The following CARMIL2 variants were observed in gnomAD, a reference collection of about 807,000 sequenced individuals.
CARMIL2 encodes capping protein, Arp2/3 and myosin-I linker protein 2.
In CARMIL2, 96 loss-of-function variants were observed where a neutral mutation model predicts 173.3. The ratio of observed to expected loss-of-function variants is 0.55; its 90% confidence interval spans 0.47 to 0.66. The LOEUF is 0.66. CARMIL2 is among the 30% of genes least tolerant of loss of function. CARMIL2 has a pLI of 0.00. For synonymous variants in CARMIL2, 830 were observed against 817.1 expected, an observed-to-expected ratio of 1.02 and a Z score of -0.27; for missense variants, 1,771 against 1,906.7, an observed-to-expected ratio of 0.93 and a Z score of 1.33.
At position 67,649,228 on chromosome 16, in the gene CARMIL2, C is replaced by G. The variant is rs771281082; in HGVS notation, c.1689-26C>G. ...AGACAACACCCCACCACCCCTGTCC[C>G]CCACAACTGCGGCCCCTGCCCACAG... On this transcript the variant is annotated intron_variant, in intron 18 of 37. Transcript: ENST00000334583. This position sits in a 1 kb window ranked among gnomAD's most constrained non-coding sequence, Gnocchi z 6.7. 6.2e-7 allele frequency: 1 copy of G among 1,613,436 alleles called. No individual in the cohort carries two copies. The highest frequency in any genetic ancestry group is 1.7e-5 in the Admixed American group (1 of 59,964).
rs967851623 is a variant in CARMIL2, at chr16:67,655,025, C to A, written c.3705+125C>A. On this transcript the variant is annotated intron_variant, in intron 32 of 37. Transcript: ENST00000334583. ...ATTGTCAGTTCTACTCCATTCTCCTCGAAATGGTTACAGATTCGACCTTTC... is the reference window on the plus strand; with the variant it reads ...ATTGTCAGTTCTACTCCATTCTCCTAGAAATGGTTACAGATTCGACCTTTC... 4 of 1,297,374 alleles carry A rather than the reference C, an allele frequency of 3.1e-6. No homozygotes were observed. In the South Asian group the frequency reaches 4.4e-5, roughly 14 times the overall value. 80.4% of individuals were successfully genotyped at this position (1,297,374 alleles called of 1,614,324 possible). A position where few individuals can be genotyped will look rare whatever the true frequency, so the allele number is the denominator to read the frequency against.
rs2052739705 is a variant in CARMIL2, at chr16:67,652,235, C to T, written c.2713C>T (p.Pro905Ser). 1.9e-6 allele frequency: 3 copies of T among 1,612,876 alleles called. No individual in the cohort carries two copies. The highest frequency in any genetic ancestry group is 1.7e-6 in the Non-Finnish European group (2 of 1,179,804). Reference protein sequence around the residue: ...SLAQQATVTMPPALPAPDGGE... With the variant: ...SLAQQATVTMSPALPAPDGGE... ...GGCTCAGCAGGCAACAGTGACAATG[C>T]CCCCTGCCCTACCAGCACCGGATGG... The change falls in exon 27 of 38, where the codon CCC becomes TCC. Residue 905 changes from proline to serine, a missense_variant. Pro to Ser is a moderately conservative substitution (Grantham distance 74). Coordinates refer to ENST00000334583, the MANE Select transcript of CARMIL2 (RefSeq NM_001013838.3). The surrounding 1 kb of genome is among the most constrained non-coding windows in gnomAD (Gnocchi z 4.7).
In CARMIL2 at chr16:67,646,337, G is replaced by A. The variant is rs777853184; in HGVS notation, c.374+27G>A. 5 of 1,610,564 alleles carry A rather than the reference G, an allele frequency of 3.1e-6. No homozygotes were observed. The highest frequency in any genetic ancestry group is 1.1e-5 in the South Asian group (1 of 90,824). ...TGAGGCCTGGCAAATTCGAGGGGCT[G>A]GCAGGGGAGGAGGGAGTGCATGAGA... On this transcript the variant is annotated intron_variant, in intron 5 of 37. Coordinates refer to ENST00000334583, the MANE Select transcript of CARMIL2 (RefSeq NM_001013838.3). The surrounding 1 kb of genome is among the most constrained non-coding windows in gnomAD (Gnocchi z 4.6).
rs769951445 is a variant in CARMIL2, at chr16:67,649,410, C to G, written c.1747-37C>G. ...CCCTGTGACCTGCCCTCACTGACCC[C>G]TGACTCCAGCCATCAATGGCTTTCT... On this transcript the variant is annotated intron_variant, in intron 19 of 37. Coordinates refer to ENST00000334583, the MANE Select transcript of CARMIL2 (RefSeq NM_001013838.3). The surrounding 1 kb of genome is among the most constrained non-coding windows in gnomAD (Gnocchi z 6.7). The G allele has an allele frequency of 6.2e-7, 1 of 1,611,408 alleles. No individual in the cohort carries two copies. The highest frequency in any genetic ancestry group is 8.5e-7 in the Non-Finnish European group (1 of 1,179,758).
At position 67,645,792 on chromosome 16, in the gene CARMIL2, C is replaced by G. The variant is rs1201274299; in HGVS notation, c.186+15C>G. 1 of 1,610,734 alleles carries G rather than the reference C, an allele frequency of 6.2e-7. No homozygotes were observed. On this transcript the variant is annotated intron_variant, in intron 3 of 37. Transcript: ENST00000334583. The stretch of plus-strand genomic sequence containing the variant: ...TCCCGCTGAGGGTGAGTCCCAGGGC[C>G]TGGCCACACCCCCGCCCGCCAGCAG...
At position 67,652,746 on chromosome 16, in the gene CARMIL2, G is replaced by C. The variant is rs2052750660; in HGVS notation, c.2884+208G>C. 6.6e-6 allele frequency among the ~76,000 whole-genome samples: 1 copy of C among 152,134 alleles called. No individual in the cohort carries two copies. Among genetic ancestry groups the C allele is most frequent in the African/African-American group, 2.4e-5 (1 of 41,450 alleles). On this transcript the variant is annotated intron_variant, in intron 28 of 37. Transcript: ENST00000334583. The surrounding 1 kb of genome is among the most constrained non-coding windows in gnomAD (Gnocchi z 4.7). ...CGGGACCTGGGCGGATCTGGGACAG[G>C]ACACCGGCTCAGCTCGCCTCCCCGC...
At position 67,647,162 on chromosome 16, in the gene CARMIL2, C is replaced by T. The variant is rs550136705; in HGVS notation, c.658C>T (p.Arg220Trp). The T allele has an allele frequency of 4.3e-6, 7 of 1,613,804 alleles. No individual in the cohort carries two copies. In the African/African-American group the frequency reaches 5.3e-5, roughly 12 times the overall value. The change falls in exon 9 of 38, where the codon CGG becomes TGG. Residue 220 changes from arginine to tryptophan, a missense_variant. Physicochemically the swap from Arg to Trp is moderately radical, Grantham distance 101 (BLOSUM62 -3). Around this residue, in one of 3 missense-constraint regions of CARMIL2, gnomAD observed 944 missense variants for 975.6 expected, o/e 0.97. Coordinates refer to ENST00000334583, the MANE Select transcript of CARMIL2 (RefSeq NM_001013838.3). ...VAALSYNLWF[R>W]CLSCVDMKLS... Reference sequence around the variant, plus strand: ...TGCCCTGTCCTACAACCTGTGGTTCCGGTGCCTCTCCTGTGTGGACATGAA... The same window carrying T: ...TGCCCTGTCCTACAACCTGTGGTTCTGGTGCCTCTCCTGTGTGGACATGAA...
Position 67,653,626 on chromosome 16 carries a change from C to T in CARMIL2, c.3120+372C>T, listed in dbSNP as rs1048676351. ...GCCAAGCCTGCGTCTGCTGCGCGTC[C>T]GGCGGCGGCGCGTGTGGGGAGATGC... On this transcript the variant is annotated intron_variant, in intron 29 of 37. Coordinates refer to ENST00000334583, the MANE Select transcript of CARMIL2 (RefSeq NM_001013838.3). The surrounding 1 kb of genome is among the most constrained non-coding windows in gnomAD (Gnocchi z 7.4). Among the ~76,000 whole-genome samples, 4 of 152,170 alleles carry T rather than the reference C, an allele frequency of 2.6e-5. No individual in the cohort carries two copies. Among genetic ancestry groups the T allele is most frequent in the African/African-American group, 9.6e-5 (4 of 41,462 alleles).
At chr16:67,647,998 A>G (rs765455405) in intron 13 of CARMIL2, 40 bp downstream of exon 13, 15 of 1,606,836 alleles carry the variant, frequency 9.3e-6, no homozygotes, top group Non-Finnish European at 1.3e-5. Context: ...GGGGTTGCTC[A>G]TAAGCCCTGG....
Position 67,657,309 on chromosome 16 carries a change from A to C in CARMIL2, c.4188A>C (p.Pro1396=), listed in dbSNP as rs770701948. 1.2e-6 allele frequency: 2 copies of C among 1,613,424 alleles called. No homozygotes were observed. The highest frequency in any genetic ancestry group is 1.7e-6 in the Non-Finnish European group (2 of 1,179,776). Residue 1396 remains proline (P), a synonymous_variant, in exon 37 of 38, where the codon CCA becomes CCC. Transcript: ENST00000334583. This position sits in a 1 kb window ranked among gnomAD's most constrained non-coding sequence, Gnocchi z 4.5. ...RRPKLEAPPS[P]SLGSGLGTEP... ...CAAAACTCGAGGCACCTCCATCCCC[A>C]AGCCTAGGTAAGAGGGGGTCCAGGC...
At chr16:67,654,061 T>G in intron 29 of CARMIL2, 88 bp from the exon 30 acceptor site, 1 of 827,990 alleles carries the variant, frequency 1.2e-6, no homozygotes, top group African/African-American at 2.0e-5. Flanking sequence ...CCTGGAGTTA[T>G]TCAGTCCAGG....
Position 67,649,706 on chromosome 16 carries a change from C to G in CARMIL2, c.1919+87C>G. 3 of 1,561,390 alleles carry G rather than the reference C, an allele frequency of 1.9e-6. No homozygotes were observed. Among genetic ancestry groups the G allele is most frequent in the South Asian group, 1.2e-5 (1 of 84,108 alleles). On this transcript the variant is annotated intron_variant, in intron 20 of 37. Coordinates refer to ENST00000334583, the MANE Select transcript of CARMIL2 (RefSeq NM_001013838.3). This position sits in a 1 kb window ranked among gnomAD's most constrained non-coding sequence, Gnocchi z 6.7. The stretch of plus-strand genomic sequence containing the variant: ...GGCTAAGGGGAGGGACTGAATGAGG[C>G]GGAGCAAATGGAGCAGGCTGACGAG...
Position 67,649,266 on chromosome 16 carries a change from C to T in CARMIL2, c.1701C>T (p.Asp567=), listed in dbSNP as rs1251896133. ...NFNVRCKETL[D]DVLHRIVQLM... ...CCCCTGCCCACAGGGAGACCCTGGA[C>T]GACGTCCTGCACCGGATTGTCCAGC... The change falls in exon 19 of 38, where the codon GAC becomes GAT. Residue 567 remains aspartate, a synonymous_variant. Transcript: ENST00000334583. This position sits in a 1 kb window ranked among gnomAD's most constrained non-coding sequence, Gnocchi z 6.7. 3 of 1,613,276 alleles carry T rather than the reference C, an allele frequency of 1.9e-6. No individual in the cohort carries two copies. Among genetic ancestry groups the T allele is most frequent in the Non-Finnish European group, 8.5e-7 (1 of 1,179,690 alleles).
At position 67,649,638 on chromosome 16, in the gene CARMIL2, G is replaced by A. The variant is rs2052678980; in HGVS notation, c.1919+19G>A. 2 of 1,580,264 alleles carry A rather than the reference G, an allele frequency of 1.3e-6. No homozygotes were observed. Among genetic ancestry groups the A allele is most frequent in the African/African-American group, 1.3e-5 (1 of 74,624 alleles). ...GGCTCCGGTGGGCGGGGTCAGAGGGGTGGGACCAGCGGGCAGGGGGCGCGG... is the reference window on the plus strand; with the variant it reads ...GGCTCCGGTGGGCGGGGTCAGAGGGATGGGACCAGCGGGCAGGGGGCGCGG... On this transcript the variant is annotated intron_variant, in intron 20 of 37. Coordinates refer to ENST00000334583, the MANE Select transcript of CARMIL2 (RefSeq NM_001013838.3). This position sits in a 1 kb window ranked among gnomAD's most constrained non-coding sequence, Gnocchi z 6.7.
Position 67,647,151 on chromosome 16 carries a change from A to G in CARMIL2, c.647A>G (p.Asn216Ser). The change falls in exon 9 of 38, where the codon AAC becomes AGC. Residue 216 changes from asparagine to serine, a missense_variant. Transcript: ENST00000334583. ...TTGAGTGTGGCTGCCCTGTCCTACA[A>G]CCTGTGGTTCCGGTGCCTCTCCTGT... ...LALSVAALSY[N>S]LWFRCLSCVD... The G allele has an allele frequency of 6.2e-7, 1 of 1,613,490 alleles. No individual in the cohort carries two copies. Among genetic ancestry groups the G allele is most frequent in the South Asian group, 1.1e-5 (1 of 91,082 alleles).
In CARMIL2 at chr16:67,652,522, G is replaced by T. The variant is rs765545874; in HGVS notation, c.2868G>T (p.Leu956=). 2.5e-6 allele frequency: 4 copies of T among 1,613,494 alleles called. No individual in the cohort carries two copies. In the South Asian group the frequency reaches 4.4e-5, roughly 18 times the overall value. ...KWPELSHGLH[L]VPFIHSAAEE... ...CTGAGCTCAGCCACGGTCTTCACCT[G>T]GTCCCCTTCATTCACAGTAAGTCAG... is the stretch of plus-strand genomic sequence containing the variant. The change falls in exon 28 of 38, where the codon CTG becomes CTT. Residue 956 remains leucine, a synonymous_variant. Coordinates refer to ENST00000334583, the MANE Select transcript of CARMIL2 (RefSeq NM_001013838.3). The surrounding 1 kb of genome is among the most constrained non-coding windows in gnomAD (Gnocchi z 4.7).
At position 67,649,213 on chromosome 16, in the gene CARMIL2, C is replaced by G. The variant is rs778232719; in HGVS notation, c.1688+41C>G. On this transcript the variant is annotated intron_variant, in intron 18 of 37. Transcript: ENST00000334583. The surrounding 1 kb of genome is among the most constrained non-coding windows in gnomAD (Gnocchi z 6.7). ...ACTCCTGGGCCTCCCAGACAACACC[C>G]CACCACCCCTGTCCCCCACAACTGC... 1.2e-6 allele frequency: 2 copies of G among 1,612,930 alleles called. No homozygotes were observed. The highest frequency in any genetic ancestry group is 1.7e-5 in the Admixed American group (1 of 59,928).
chr16:67,657,168 G>A lies in CARMIL2; in HGVS notation c.4118-71G>A. ...TGCATGCTTATGTGCACTGGAGGTG[G>A]AAGAGAGGGGCAGGGGATGGACAGA... is the stretch of plus-strand genomic sequence containing the variant. On this transcript the variant is annotated intron_variant, in intron 36 of 37. Coordinates refer to ENST00000334583, the MANE Select transcript of CARMIL2 (RefSeq NM_001013838.3). This position sits in a 1 kb window ranked among gnomAD's most constrained non-coding sequence, Gnocchi z 4.5. The A allele has an allele frequency of 7.3e-7, 1 of 1,371,544 alleles. No homozygotes were observed. The highest frequency in any genetic ancestry group is 1.0e-6 in the Non-Finnish European group (1 of 975,316). The allele number at this position is 1,371,544 out of a possible 1,614,324, so 85.0% of individuals were successfully genotyped here. A position where few individuals can be genotyped will look rare whatever the true frequency, so the allele number is the denominator to read the frequency against.
At position 67,653,097 on chromosome 16, in the gene CARMIL2, C is replaced by A. The variant is rs979715618; in HGVS notation, c.2963C>A (p.Ala988Glu). ...GCAGAGCCGCAGGCGGGGCCGTCCG[C>A]GCGCGGCTCTCCGAGCCCTGCCGCC... ...EDAEPQAGPS[A>E]RGSPSPAAPG... is the part of the protein sequence containing the mutation. Residue 988 changes from alanine (A) to glutamate (E), a missense_variant, in exon 29 of 38, where the codon GCG becomes GAG. Physicochemically the swap from Ala to Glu is moderately radical, Grantham distance 107. This residue lies in a region of CARMIL2 where 817 missense variants were observed against 903.5 expected (regional missense o/e 0.90). Transcript: ENST00000334583. This position sits in a 1 kb window ranked among gnomAD's most constrained non-coding sequence, Gnocchi z 7.4. 3.4e-5 allele frequency: 40 copies of A among 1,184,466 alleles called. No homozygotes were observed. The highest frequency in any genetic ancestry group is 3.6e-4 in the Middle Eastern group (1 of 2,744). The allele number at this position is 1,184,466 out of a possible 1,614,324, so 73.4% of individuals were successfully genotyped here. A position where few individuals can be genotyped will look rare whatever the true frequency, so the allele number is the denominator to read the frequency against.
Sources: gnomAD v4.1 joint callset for allele counts (sites outside exome capture counted in the v4.1 genomes callset) on GRCh38, gnomAD v4.1.1 for gene constraint, gnomAD v4.1.1 regional missense constraint, Gnocchi (gnomAD v3.1) non-coding constraint, MANE v1.5 for transcripts, NCBI Gene and HGNC (gene_info 2026-07-23, HGNC 2026-07-21) for gene names.